The following TUBA4A variants were observed in gnomAD, a reference collection of about 807,000 sequenced individuals.
TUBA4A encodes the protein tubulin alpha 4a.
TUBA4A carries 23 observed loss-of-function variants against 34.3 expected under a neutral mutation model. That is an observed-to-expected ratio of 0.67 (90% confidence interval 0.48 to 0.95). TUBA4A has a LOEUF of 0.95. Ranked by LOEUF, TUBA4A falls within the 40% of genes least tolerant of loss-of-function variation. TUBA4A has a pLI of 0.00. For synonymous variants in TUBA4A, 216 were observed against 230.5 expected, an observed-to-expected ratio of 0.94 and a Z score of 0.57; for missense variants, 279 against 599.0, an observed-to-expected ratio of 0.47 and a Z score of 5.58.
At position 219,250,581 on chromosome 2, in the gene TUBA4A, C is replaced by T. The variant is rs768677078; in HGVS notation, c.1118G>A (p.Arg373His). 1 of 1,614,232 alleles carries T rather than the reference C, an allele frequency of 6.2e-7. No homozygotes were observed. Among genetic ancestry groups the T allele is most frequent in the South Asian group, 1.1e-5 (1 of 91,084 alleles). Reference protein sequence around the residue: ...VPGGDLAKVQRAVCMLSNTTA... With the variant: ...VPGGDLAKVQHAVCMLSNTTA... ...CGTGTTGCTCAGCATGCACACGGCA[C>T]GCTGCACCTTGGCCAGGTCACCCCC... Residue 373 changes from arginine (R) to histidine (H), a missense_variant, in exon 4 of 4, where the codon CGT (arginine) becomes CAT (histidine). By Grantham distance (29) the Arg-to-His change is conservative (BLOSUM62 0). Coordinates refer to ENST00000248437, the MANE Select transcript of TUBA4A (RefSeq NM_006000.3). This position sits in a 1 kb window ranked among gnomAD's most constrained non-coding sequence, Gnocchi z 8.4.
intron 1 of TUBA4A, chr2:219,253,288 C>G: frequency 6.6e-7 from 1 of 1,506,074 alleles, no homozygotes; most frequent in Non-Finnish European, 8.9e-7. Flanking sequence ...AGAGGGCCAG[C>G]TCGCTTCAGG....
rs762871235 is a variant in TUBA4A, at chr2:219,251,957, A to G, written c.226+51T>C. ...TAAATACCCTCTCTCTCCAGGGAGA[A>G]GCTTTGAGTCATGCTCCACCCCCTT... On this transcript the variant is annotated intron_variant, in intron 2 of 3. Coordinates refer to ENST00000248437, the MANE Select transcript of TUBA4A (RefSeq NM_006000.3). The surrounding 1 kb of genome is among the most constrained non-coding windows in gnomAD (Gnocchi z 6.1). 3.8e-6 allele frequency: 6 copies of G among 1,568,830 alleles called. No homozygotes were observed. The Admixed American group carries it at 1.0e-4, about 27-fold the overall frequency.
Position 219,250,883 on chromosome 2 carries a change from A to G in TUBA4A, c.816T>C (p.Tyr272=), listed in dbSNP as rs1574884229. ...CCTTTTCTGCAGAGATGACTGGTGC[A>G]TAGGTGGCCAGGGGGAAGTGGATGC... ...YPRIHFPLAT[Y]APVISAEKAY... The change falls in exon 4 of 4, where the codon TAT becomes TAC. Residue 272 remains tyrosine (Y), a synonymous_variant. Transcript: ENST00000248437. This position sits in a 1 kb window ranked among gnomAD's most constrained non-coding sequence, Gnocchi z 8.4. 36 of 1,614,112 alleles carry G rather than the reference A, an allele frequency of 2.2e-5. No homozygotes were observed. The East Asian group carries it at 6.5e-4, about 29-fold the overall frequency.
chr2:219,254,642 C>T (rs1189637261), upstream of TUBA4A: 1 of 152,284 alleles, frequency 6.6e-6, no homozygotes, highest in Admixed American at 6.5e-5. Flanking sequence ...GCTGAGGGCA[C>T]CTGCCCACTC....
At position 219,252,252 on chromosome 2, in the gene TUBA4A, C is replaced by A. The variant is rs1414219435; in HGVS notation, c.4-22G>T. Reference sequence around the variant, plus strand: ...CACGCTGAGGGATAGAGAGAGGGGACACAGCATGAGCCCCACATCCACAAG... The same window carrying A: ...CACGCTGAGGGATAGAGAGAGGGGAAACAGCATGAGCCCCACATCCACAAG... On this transcript the variant is annotated intron_variant, in intron 1 of 3. Transcript: ENST00000248437. This position sits in a 1 kb window ranked among gnomAD's most constrained non-coding sequence, Gnocchi z 4.1. 3 of 1,601,434 alleles carry A rather than the reference C, an allele frequency of 1.9e-6. No homozygotes were observed. The highest frequency in any genetic ancestry group is 2.6e-6 in the Non-Finnish European group (3 of 1,169,408).
chr2:219,253,154 G>T (rs999023327), intron 1 of TUBA4A: 1 of 1,520,096 alleles, frequency 6.6e-7, no homozygotes, highest in Non-Finnish European at 8.9e-7. Flanking sequence ...TTCGGCCCCC[G>T]CTCCTGGGCT....
At chr2:219,253,040 G>A (rs1270856086) in intron 1 of TUBA4A, 16 of 895,016 alleles carry the variant, frequency 1.8e-5, no homozygotes, top group Non-Finnish European at 2.7e-5. Context: ...GAGGTGACCC[G>A]CCTTGTCCCG....
At chr2:219,254,020 C>A (rs1295022399), upstream of TUBA4A, 9 of 679,432 alleles carry the variant, frequency 1.3e-5, no homozygotes, top group African/African-American at 1.5e-4. Flanking sequence ...CCACGCCTCC[C>A]GGGAGGGTAA....
Position 219,250,610 on chromosome 2 carries a change from C to T in TUBA4A, c.1089G>A (p.Val363=), listed in dbSNP as rs776470776. ...GCACCTTGGCCAGGTCACCCCCAGGCACCACAGTGGGAGGCTGGTAGTTGA... is the reference window on the plus strand; with the variant it reads ...GCACCTTGGCCAGGTCACCCCCAGGTACCACAGTGGGAGGCTGGTAGTTGA... ...VGINYQPPTV[V]PGGDLAKVQR... Residue 363 remains valine (V), a synonymous_variant, in exon 4 of 4, where the codon GTG becomes GTA. Transcript: ENST00000248437. The surrounding 1 kb of genome is among the most constrained non-coding windows in gnomAD (Gnocchi z 8.4). 6.2e-6 allele frequency: 10 copies of T among 1,614,246 alleles called. No individual in the cohort carries two copies. In the South Asian group the frequency reaches 9.9e-5, roughly 16 times the overall value.
At chr2:219,254,379 C>A (rs2125072330), upstream of TUBA4A, 1 of 152,758 alleles carries the variant, frequency 6.5e-6, no homozygotes, top group Admixed American at 6.5e-5. Flanking sequence ...TGTGGCGCGT[C>A]CCCGGGGAGC....
In TUBA4A at chr2:219,253,449, C is replaced by T. The variant is rs950690084; in HGVS notation, c.3+407G>A. On this transcript the variant is annotated intron_variant, in intron 1 of 3. Transcript: ENST00000248437. ...CCTGACCCCTTCCACCTTCTAGCGC[C>T]AAGCACGTGCTCGGTCAGTGCTGAG... is the stretch of plus-strand genomic sequence containing the variant. 1.9e-5 allele frequency: 28 copies of T among 1,468,600 alleles called. No homozygotes were observed. In the African/African-American group the frequency reaches 3.6e-4, roughly 19 times the overall value. 91.0% of individuals were successfully genotyped at this position (1,468,600 alleles called of 1,614,324 possible). A position where few individuals can be genotyped will look rare whatever the true frequency, so the allele number is the denominator to read the frequency against.
rs1951655803 is a variant in TUBA4A at position 219,251,958 on chromosome 2, GC to G, written c.226+49del. The G allele has an allele frequency of 2.5e-6, 4 of 1,573,528 alleles. No homozygotes were observed. The South Asian group carries it at 4.5e-5, about 18-fold the overall frequency. On this transcript the variant is annotated intron_variant, in intron 2 of 3. Transcript: ENST00000248437. This position sits in a 1 kb window ranked among gnomAD's most constrained non-coding sequence, Gnocchi z 6.1. Reference sequence around the variant, plus strand: ...AAATACCCTCTCTCTCCAGGGAGAAGCTTTGAGTCATGCTCCACCCCCTTCA... The same window carrying G: ...AAATACCCTCTCTCTCCAGGGAGAAGTTTGAGTCATGCTCCACCCCCTTCA...
At chr2:219,253,178 C>A (rs576336161) in intron 1 of TUBA4A, 505 of 1,512,614 alleles carry the variant, frequency 3.3e-4, no homozygotes, top group Middle Eastern at 2.3e-3. Context: ...AATACCACCC[C>A]CTACATGCAC....
upstream of TUBA4A, chr2:219,254,033 G>C (rs529736438): frequency 5.1e-6 from 3 of 591,952 alleles, no homozygotes; most frequent in South Asian, 3.7e-5. Context: ...GAGGGTAAGC[G>C]GCCCCCCCGA....
In TUBA4A at chr2:219,251,909, T is replaced by A; in HGVS notation, c.226+99A>T. On this transcript the variant is annotated intron_variant, in intron 2 of 3. Transcript: ENST00000248437. This position sits in a 1 kb window ranked among gnomAD's most constrained non-coding sequence, Gnocchi z 6.1. Reference sequence around the variant, plus strand: ...GCAGCTTCAAGTACGGCTAGGAATTTTCAGGGCTAGGAATGCCTGGTCTAA... The same window carrying A: ...GCAGCTTCAAGTACGGCTAGGAATTATCAGGGCTAGGAATGCCTGGTCTAA... The A allele has an allele frequency of 2.1e-6, 3 of 1,415,856 alleles. No homozygotes were observed. The highest frequency in any genetic ancestry group is 2.0e-5 in the Admixed American group (1 of 49,520). The allele number at this position is 1,415,856 out of a possible 1,614,324, so 87.7% of individuals were successfully genotyped here. A position where few individuals can be genotyped will look rare whatever the true frequency, so the allele number is the denominator to read the frequency against.
chr2:219,253,221 C>G lies in TUBA4A; in HGVS notation c.3+635G>C, dbSNP rs1213938514. 1.0e-5 allele frequency: 15 copies of G among 1,492,612 alleles called. No individual in the cohort carries two copies. In the East Asian group the frequency reaches 2.7e-4, roughly 27 times the overall value. The allele number at this position is 1,492,612 out of a possible 1,614,324, so 92.5% of individuals were successfully genotyped here. A position where few individuals can be genotyped will look rare whatever the true frequency, so the allele number is the denominator to read the frequency against. On this transcript the variant is annotated intron_variant, in intron 1 of 3. Transcript: ENST00000248437. ...CCCTCCCCCCAACCTGGCCTCGGCC[C>G]GCGCAGTGCTCAGCGCCAGCTGTCT...
chr2:219,250,748 C>T lies in TUBA4A; in HGVS notation c.951G>A (p.Leu317=). ...PRHGKYMACC[L]LYRGDVVPKD... is the part of the protein sequence containing the mutation. ...TGGGCACCACATCTCCACGGTACAG[C>T]AGGCAGCAGGCCATGTACTTGCCGT... Residue 317 remains leucine (L), a synonymous_variant, in exon 4 of 4, where the codon CTG becomes CTA. Coordinates refer to ENST00000248437, the MANE Select transcript of TUBA4A (RefSeq NM_006000.3). This position sits in a 1 kb window ranked among gnomAD's most constrained non-coding sequence, Gnocchi z 8.4. The T allele has an allele frequency of 6.2e-7, 1 of 1,614,258 alleles. No individual in the cohort carries two copies. The highest frequency in any genetic ancestry group is 8.5e-7 in the Non-Finnish European group (1 of 1,180,046).
rs562496165 is a variant in TUBA4A at position 219,253,356 on chromosome 2, G to GT, written c.3+499_3+500insA. The stretch of plus-strand genomic sequence containing the variant: ...CTCAGACGCGGGGTGCTGAGTCACG[G>GT]GGGGGGGGTGGTTCTGTGGATAGTT... On this transcript the variant is annotated intron_variant, in intron 1 of 3. Coordinates refer to ENST00000248437, the MANE Select transcript of TUBA4A (RefSeq NM_006000.3). 380 of 1,462,320 alleles carry GT rather than the reference G, an allele frequency of 2.6e-4. No individual in the cohort carries two copies. The African/African-American group carries it at 5.8e-3, about 22-fold the overall frequency. 90.6% of individuals were successfully genotyped at this position (1,462,320 alleles called of 1,614,324 possible). A position where few individuals can be genotyped will look rare whatever the true frequency, so the allele number is the denominator to read the frequency against.
In TUBA4A at chr2:219,250,310, G is replaced by A; in HGVS notation, c.*42C>T. On this transcript the variant is annotated 3_prime_UTR_variant, in exon 4 of 4. Transcript: ENST00000248437. The surrounding 1 kb of genome is among the most constrained non-coding windows in gnomAD (Gnocchi z 8.4). ...GCAAGGAAACTGTTTATTTCGAAAGGATTTTGCAATAAACATAGTGAATAG... is the reference window on the plus strand; with the variant it reads ...GCAAGGAAACTGTTTATTTCGAAAGAATTTTGCAATAAACATAGTGAATAG... The A allele has an allele frequency of 6.4e-7, 1 of 1,560,466 alleles. No individual in the cohort carries two copies. Among genetic ancestry groups the A allele is most frequent in the African/African-American group, 1.4e-5 (1 of 73,236 alleles).
Sources: allele counts gnomAD v4.1 joint callset, GRCh38; gene constraint gnomAD v4.1.1; non-coding constraint Gnocchi (gnomAD v3.1); transcripts MANE v1.5; gene names NCBI Gene and HGNC (gene_info 2026-07-23, HGNC 2026-07-21).